Variants in IGF1R observed in about 807,000 individuals in gnomAD.
The protein encoded by IGF1R is insulin-like growth factor 1 receptor.
Under a neutral mutation model 144.6 loss-of-function variants are expected in IGF1R, and 44 were observed. That is an observed-to-expected ratio of 0.30 (90% confidence interval 0.24 to 0.39). The LOEUF is 0.39. Ranked by LOEUF, IGF1R falls within the 10% of genes least tolerant of loss-of-function variation. The probability of loss-of-function intolerance (pLI) is 1.00; values close to 1 mark genes in which losing one functional copy is unlikely to be tolerated. For synonymous variants in IGF1R, 795 were observed against 722.8 expected, an observed-to-expected ratio of 1.10 and a Z score of -1.60; for missense variants, 1,355 against 1,833.7, an observed-to-expected ratio of 0.74 and a Z score of 4.77.
chr15:98,826,558 A>G (rs1435999195), intron 2 of IGF1R, among the ~76,000 whole-genome samples: 1 of 152,256 alleles, frequency 6.6e-6, no homozygotes, highest in East Asian at 1.9e-4. Context: ...AGACATATTT[A>G]GGCTATAAAT....
chr15:98,838,867 T>C (rs993248680), intron 2 of IGF1R, among the ~76,000 whole-genome samples: 1 of 152,102 alleles, frequency 6.6e-6, no homozygotes, highest in Non-Finnish European at 1.5e-5. Context: ...CCGGGAAAAA[T>C]TCAAGAATTT....
rs757824191 is a variant in IGF1R at position 98,912,371 on chromosome 15, C to T, written c.1590-673C>T. 5.3e-5 allele frequency among the ~76,000 whole-genome samples: 8 copies of T among 152,304 alleles called. No individual in the cohort carries two copies. The South Asian group carries it at 1.5e-3, about 28-fold the overall frequency. On this transcript the variant is annotated intron_variant, in intron 7 of 20. Transcript: ENST00000650285. The stretch of plus-strand genomic sequence containing the variant: ...TGATCTCCCATCCCATGACAGCAGA[C>T]GGTGTTTTGTTCATGTTTGTTTCAG...
At position 98,896,881 on chromosome 15, in the gene IGF1R, T is replaced by C; in HGVS notation, c.1078T>C (p.Leu360=). Residue 360 remains leucine (L), a synonymous_variant, in exon 4 of 21, where the codon TTG becomes CTG. Coordinates refer to ENST00000650285, the MANE Select transcript of IGF1R (RefSeq NM_000875.5). The part of the protein sequence containing the change: ...LQGCTIFKGN[L]LINIRRGNNI... The stretch of plus-strand genomic sequence containing the variant: ...AGGATGCACCATCTTCAAGGGCAAT[T>C]TGCTCATTAACATCCGACGGGGGAG... The C allele has an allele frequency of 6.2e-7, 1 of 1,614,140 alleles. No homozygotes were observed.
chr15:98,790,561 GTGT>G (rs749925555), intron 2 of IGF1R, among the ~76,000 whole-genome samples: 3 of 152,090 alleles, frequency 2.0e-5, no homozygotes, highest in Non-Finnish European at 4.4e-5. Flanking sequence ...GCCTCTGGGC[GTGT>G]TGTTTTTATC....
intron 2 of IGF1R, among the ~76,000 whole-genome samples, chr15:98,752,650 C>T (rs1164620090): frequency 2.6e-5 from 4 of 151,258 alleles, no homozygotes; most frequent in Non-Finnish European, 4.4e-5. Context: ...GCCACTTGCA[C>T]TCCAGCCTGG....
intron 2 of IGF1R, among the ~76,000 whole-genome samples, chr15:98,865,440 G>T (rs531735964): frequency 2.6e-5 from 4 of 152,198 alleles, no homozygotes; most frequent in African/African-American, 4.8e-5. Flanking sequence ...CCAAGGAGGG[G>T]CTGGCTGGAG....
At chr15:98,719,156 G>T (rs1302869512) in intron 2 of IGF1R, among the ~76,000 whole-genome samples, 1 of 151,764 alleles carries the variant, frequency 6.6e-6, no homozygotes, top group Non-Finnish European at 1.5e-5. Flanking sequence ...TTGAATAACT[G>T]TGTCAAAGAA....
intron 2 of IGF1R, among the ~76,000 whole-genome samples, chr15:98,823,711 A>G (rs1195154258): frequency 1.3e-5 from 2 of 152,218 alleles, no homozygotes; most frequent in Admixed American, 6.5e-5. Flanking sequence ...TTAAATTCAC[A>G]GTGCTTAGTA....
At chr15:98,897,219 G>A (rs1342135733) in intron 4 of IGF1R, 2 of 366,636 alleles carry the variant, frequency 5.5e-6, no homozygotes, top group Admixed American at 8.5e-5. Context: ...GAGACCATTG[G>A]ATCAGACGTG....
chr15:98,938,063 TATA>T (rs2016224200), intron 17 of IGF1R, among the ~76,000 whole-genome samples: 1 of 152,236 alleles, frequency 6.6e-6, no homozygotes, highest in African/African-American at 2.4e-5. Flanking sequence ...GAGGAGTTGT[TATA>T]ATGATTCCAA....
At chr15:98,895,020 C>CAAAAAAAAAAAAAAAA (rs368393677) in intron 3 of IGF1R, among the ~76,000 whole-genome samples, 1 of 112,520 alleles carries the variant, frequency 8.9e-6, no homozygotes, top group African/African-American at 3.6e-5. Context: ...GACCCTGTCT[C>CAAAAAAAAAAAAAAAA]AAAAAAAAAA....
chr15:98,759,088 GT>G (rs2141348918), intron 2 of IGF1R, among the ~76,000 whole-genome samples: 1 of 152,292 alleles, frequency 6.6e-6, no homozygotes, highest in East Asian at 1.9e-4. Flanking sequence ...CCATCACTCA[GT>G]ATAGCAAATC....
chr15:98,914,709 C>T (rs748181149), intron 8 of IGF1R, among the ~76,000 whole-genome samples: 155 of 152,280 alleles, frequency 1.0e-3, no homozygotes, highest in Non-Finnish European at 1.5e-3. Context: ...GTTTCCTTTC[C>T]ACAAAGATGG....
chr15:98,942,473 A>G (rs2684793), intron 18 of IGF1R, among the ~76,000 whole-genome samples: 57,092 of 151,940 alleles, frequency 0.38, 11,079 homozygotes, highest in South Asian at 0.48. Flanking sequence ...ACCTAGGAAC[A>G]CAGGCGCACA....
intron 2 of IGF1R, among the ~76,000 whole-genome samples, chr15:98,882,898 G>A (rs1347785526): frequency 6.6e-6 from 1 of 152,198 alleles, no homozygotes; most frequent in East Asian, 1.9e-4. Context: ...GTGTGGTCCA[G>A]CCCCCTGACT....
chr15:98,867,318 T>C (rs150715592), intron 2 of IGF1R, among the ~76,000 whole-genome samples: 3 of 152,352 alleles, frequency 2.0e-5, no homozygotes, highest in African/African-American at 7.2e-5. Flanking sequence ...AAAATATTTC[T>C]TAAAGGCAAA....
At chr15:98,775,177 G>A (rs1480334214) in intron 2 of IGF1R, among the ~76,000 whole-genome samples, 1 of 152,146 alleles carries the variant, frequency 6.6e-6, no homozygotes, top group African/African-American at 2.4e-5. Context: ...ACCCCCAGCT[G>A]GGTCAGGCCA....
intron 2 of IGF1R, among the ~76,000 whole-genome samples, chr15:98,722,362 G>A (rs145360698): frequency 2.0e-5 from 3 of 152,316 alleles, no homozygotes; most frequent in African/African-American, 7.2e-5. Flanking sequence ...GGCCTTTCAT[G>A]AGAAATGTCC....
chr15:98,929,229 C>G (rs2015846059), intron 13 of IGF1R, among the ~76,000 whole-genome samples: 1 of 151,964 alleles, frequency 6.6e-6, no homozygotes, highest in Admixed American at 6.5e-5. Context: ...AAATTAGTGT[C>G]AAATGTATGC....
Sources: allele counts gnomAD v4.1 joint callset (sites outside exome capture counted in the v4.1 genomes callset), GRCh38; gene constraint gnomAD v4.1.1; transcripts MANE v1.5; gene names NCBI Gene and HGNC (gene_info 2026-07-23, HGNC 2026-07-21).